Variants in KSR1 observed in about 807,000 individuals in gnomAD.
The protein encoded by KSR1 is kinase suppressor of ras 1.
Under a neutral mutation model 92.9 loss-of-function variants are expected in KSR1, and 35 were observed. The observed-to-expected ratio is 0.38, with a 90% confidence interval of 0.29 to 0.50. The LOEUF (loss-of-function observed/expected upper bound fraction) is 0.50. Ranked by LOEUF, KSR1 falls within the 20% of genes least tolerant of loss-of-function variation. The pLI is 0.94. For synonymous variants in KSR1, 467 were observed against 472.6 expected (o/e 0.99, Z 0.15); for missense variants, 972 against 1,158.5 (o/e 0.84, Z 2.34).
At chr17:27,607,879 C>A in intron 14 of KSR1, 35 bp from the exon 15 acceptor site, 1 of 1,524,726 alleles carries the variant, frequency 6.6e-7, no homozygotes, top group South Asian at 1.2e-5. Flanking sequence ...CGCACCAGCC[C>A]CAGACTTGTG....
At chr17:27,470,793 C>T (rs923727396) in intron 1 of KSR1, among the ~76,000 whole-genome samples, 2 of 152,058 alleles carry the variant, frequency 1.3e-5, no homozygotes, top group Admixed American at 6.6e-5. Context: ...CTCCTTTATT[C>T]TCCCCATTTT....
rs145390989 is a variant in KSR1 at position 27,469,993 on chromosome 17, A to AGTGTGT, written c.231+13156_231+13161dup. ...ACTGGATCAAAGAGCATGGAGATGG[A>AGTGTGT]GTGTGTGTGTGTGTGTGTGTGTGTG... is the stretch of plus-strand genomic sequence containing the variant. On this transcript the variant is annotated intron_variant, in intron 1 of 20. Transcript: ENST00000644974. Among the ~76,000 whole-genome samples, 431 of 139,644 alleles carry AGTGTGT rather than the reference A, an allele frequency of 3.1e-3. 1 individual carries two copies. The highest frequency in any genetic ancestry group is 8.1e-3 in the African/African-American group (296 of 36,768). 91.6% of individuals were successfully genotyped at this position (139,644 alleles called of 152,430 possible).
At chr17:27,533,405 G>C (rs1358920648) in intron 1 of KSR1, among the ~76,000 whole-genome samples, 1 of 144,138 alleles carries the variant, frequency 6.9e-6, no homozygotes, top group East Asian at 2.0e-4. Context: ...TTTTTTTTAA[G>C]ATGGAGTATC....
chr17:27,563,255 C>T (rs943512524), intron 2 of KSR1, among the ~76,000 whole-genome samples: 2 of 152,052 alleles, frequency 1.3e-5, no homozygotes, highest in African/African-American at 4.8e-5. Context: ...TTTCCTTTCT[C>T]CTTTCCTGTT....
At chr17:27,569,171 A>T (rs1184116662) in intron 2 of KSR1, among the ~76,000 whole-genome samples, 1 of 152,210 alleles carries the variant, frequency 6.6e-6, no homozygotes, top group African/African-American at 2.4e-5. Flanking sequence ...ATTTTGTAAA[A>T]TGTTACAAAA....
chr17:27,563,402 A>G (rs561058077), intron 2 of KSR1, among the ~76,000 whole-genome samples: 10 of 152,144 alleles, frequency 6.6e-5, no homozygotes, highest in Non-Finnish European at 1.0e-4. Flanking sequence ...GACTACAGGT[A>G]TGCACCACTG....
At chr17:27,527,052 T>C in intron 1 of KSR1, 1 of 459,112 alleles carries the variant, frequency 2.2e-6, no homozygotes, top group South Asian at 2.4e-5. Flanking sequence ...GGCTGAGAGT[T>C]GCATTCGTGG....
intron 9 of KSR1, among the ~76,000 whole-genome samples, chr17:27,593,165 A>G (rs140726847): frequency 3.5e-4 from 53 of 152,350 alleles, no homozygotes; most frequent in African/African-American, 1.2e-3. Flanking sequence ...ATTTCCATCC[A>G]TAGCCAGGTC....
chr17:27,491,352 TTG>T (rs1176237582), intron 1 of KSR1, among the ~76,000 whole-genome samples: 1 of 72,548 alleles, frequency 1.4e-5, no homozygotes, highest in Non-Finnish European at 2.8e-5. Flanking sequence ...TGTGTGTGTG[TTG>T]GGGGTGGGGT....
chr17:27,526,461 C>G (rs1232325572), intron 1 of KSR1: 3 of 1,581,534 alleles, frequency 1.9e-6, no homozygotes, highest in Non-Finnish European at 2.6e-6. Flanking sequence ...GTTTTTTTTC[C>G]CAATACATCT....
chr17:27,584,023 G>C (rs1395642804), intron 4 of KSR1: 1 of 968,426 alleles, frequency 1.0e-6, no homozygotes, highest in African/African-American at 1.8e-5. Flanking sequence ...AGTTTATCTT[G>C]TCCCTTCTTG....
At position 27,541,307 on chromosome 17, in the gene KSR1, G is replaced by A. The variant is rs569410769; in HGVS notation, c.232-9261G>A. On this transcript the variant is annotated intron_variant, in intron 1 of 20. Transcript: ENST00000644974. ...AATGGAGTGGCTGTCCAGTTACTTC[G>A]TGTCACTCTGTAAAGCATACTAGGA... is the stretch of plus-strand genomic sequence containing the variant. Among the ~76,000 whole-genome samples the A allele has an allele frequency of 2.1e-3, 323 of 152,348 alleles. 1 individual carries two copies. Among genetic ancestry groups the A allele is most frequent in the African/African-American group, 7.2e-3 (300 of 41,584 alleles).
At chr17:27,535,937 G>A (rs973667578) in intron 1 of KSR1, among the ~76,000 whole-genome samples, 5 of 152,252 alleles carry the variant, frequency 3.3e-5, no homozygotes, top group African/African-American at 9.6e-5. Context: ...TTTCTGTGGC[G>A]CACAGCAATG....
intron 1 of KSR1, among the ~76,000 whole-genome samples, chr17:27,496,128 G>A (rs188554961): frequency 6.6e-6 from 1 of 152,238 alleles, no homozygotes; most frequent in East Asian, 1.9e-4. Flanking sequence ...CAAGTTCCTG[G>A]GATAGGCCTG....
At chr17:27,582,593 C>G in intron 3 of KSR1, 53 bp from the exon 4 acceptor site, 1 of 1,517,644 alleles carries the variant, frequency 6.6e-7, no homozygotes, top group Non-Finnish European at 9.0e-7. Context: ...GCCATCTCCC[C>G]TGTGAATTCC....
intron 2 of KSR1, 69 bp downstream of exon 2, chr17:27,550,777 G>C: frequency 1.4e-6 from 1 of 720,454 alleles, no homozygotes; most frequent in East Asian, 2.5e-5. Context: ...ACACAAACCC[G>C]AGGGCTAGCT....
At position 27,532,351 on chromosome 17, in the gene KSR1, C is replaced by T. The variant is rs368034430; in HGVS notation, c.232-18217C>T. On this transcript the variant is annotated intron_variant, in intron 1 of 20. Coordinates refer to ENST00000644974, the MANE Select transcript of KSR1 (RefSeq NM_001394583.1). ...TTATGGTAGCTGGGTCACCTGGGAA[C>T]AGGCCGTGGGAGAACTGGCCTCCTT... 5.9e-5 allele frequency among the ~76,000 whole-genome samples: 9 copies of T among 152,324 alleles called. No homozygotes were observed. In the South Asian group the frequency reaches 1.2e-3, roughly 21 times the overall value.
chr17:27,516,660 AC>A (rs1284973818), intron 1 of KSR1, among the ~76,000 whole-genome samples: 1 of 152,220 alleles, frequency 6.6e-6, no homozygotes, highest in Non-Finnish European at 1.5e-5. Context: ...TATAGAGAGA[AC>A]TTTTCGAAGC....
intron 1 of KSR1, among the ~76,000 whole-genome samples, chr17:27,549,865 G>C (rs2071328743): frequency 6.6e-6 from 1 of 152,156 alleles, no homozygotes; most frequent in African/African-American, 2.4e-5. Flanking sequence ...TTTATAGGGG[G>C]TTAAGTAACT....
Sources: gnomAD v4.1 joint callset for allele counts (sites outside exome capture counted in the v4.1 genomes callset) on GRCh38, gnomAD v4.1.1 for gene constraint, MANE v1.5 for transcripts, NCBI Gene and HGNC (gene_info 2026-07-23, HGNC 2026-07-21) for gene names.